The following CAMKMT variants were observed in gnomAD, a reference collection of about 807,000 sequenced individuals.
CAMKMT encodes the protein CaM KMT.
In CAMKMT, 53 loss-of-function variants were observed where a neutral mutation model predicts 48.0. The observed-to-expected ratio is 1.10, with a 90% confidence interval of 0.89 to 1.39. The LOEUF is 1.39. Among genes scored for constraint, CAMKMT ranks in the 40% most tolerant of loss-of-function variants. CAMKMT has a pLI of 0.00. For synonymous variants in CAMKMT, 165 were observed against 152.3 expected (o/e 1.08, Z -0.61); for missense variants, 428 against 402.7 (o/e 1.06, Z -0.54).
intron 3 of CAMKMT, among the ~76,000 whole-genome samples, chr2:44,428,359 C>T (rs1415049345): frequency 6.6e-6 from 1 of 152,210 alleles, no homozygotes; most frequent in South Asian, 2.1e-4. Context: ...CTCTTCTCGA[C>T]GTTCAGACAC....
chr2:44,452,421 A>C (rs1012499838), intron 3 of CAMKMT, among the ~76,000 whole-genome samples: 1 of 152,042 alleles, frequency 6.6e-6, no homozygotes, highest in Non-Finnish European at 1.5e-5. Flanking sequence ...TCTTCATTCA[A>C]CTGTTTGCCA....
At chr2:44,756,004 C>G (rs908252990) in intron 9 of CAMKMT, among the ~76,000 whole-genome samples, 1 of 152,188 alleles carries the variant, frequency 6.6e-6, no homozygotes, top group Middle Eastern at 3.2e-3. Flanking sequence ...GTATTCTAGC[C>G]TAAAGTGTAA....
chr2:44,550,220 G>A lies in CAMKMT; in HGVS notation c.377-154063G>A, dbSNP rs991196350. ...TTTGAGACCAACCAGGGCAACATAG[G>A]GAGACCCCGTTTCTACAAATCATTA... On this transcript the variant is annotated intron_variant, in intron 3 of 10. Coordinates refer to ENST00000378494, the MANE Select transcript of CAMKMT (RefSeq NM_024766.5). Among the ~76,000 whole-genome samples, 76 of 151,764 alleles carry A rather than the reference G, an allele frequency of 5.0e-4. 1 individual carries two copies. The highest frequency in any genetic ancestry group is 1.8e-3 in the African/African-American group (75 of 41,398).
At chr2:44,533,861 A>G (rs1272204498) in intron 3 of CAMKMT, among the ~76,000 whole-genome samples, 1 of 152,232 alleles carries the variant, frequency 6.6e-6, no homozygotes, top group Non-Finnish European at 1.5e-5. Context: ...CACAATTAAC[A>G]GTATAACAGG....
chr2:44,499,107 A>T (rs920920167), intron 3 of CAMKMT, among the ~76,000 whole-genome samples: 5 of 152,206 alleles, frequency 3.3e-5, no homozygotes, highest in African/African-American at 4.8e-5. Flanking sequence ...ATCTTTTTTT[A>T]AAAAATGAAT....
At chr2:44,372,648 A>T in intron 1 of CAMKMT, 68 bp from the exon 2 acceptor site, 1 of 1,442,914 alleles carries the variant, frequency 6.9e-7, no homozygotes, top group South Asian at 1.4e-5. Flanking sequence ...TAAATTTTGA[A>T]CATTTTGAAC....
chr2:44,677,689 C>T (rs114761921), intron 3 of CAMKMT, among the ~76,000 whole-genome samples: 2,375 of 148,608 alleles, frequency 0.016, 28 homozygotes, highest in African/African-American at 0.035. Flanking sequence ...GACTGGGCAA[C>T]AGAATTGAGA....
intron 3 of CAMKMT, among the ~76,000 whole-genome samples, chr2:44,575,468 T>C (rs1572836593): frequency 6.6e-6 from 1 of 152,256 alleles, no homozygotes; most frequent in East Asian, 1.9e-4. Context: ...GTTATTCTTA[T>C]AAATATTCCT....
At chr2:44,517,739 C>T (rs576051804) in intron 3 of CAMKMT, among the ~76,000 whole-genome samples, 2 of 152,144 alleles carry the variant, frequency 1.3e-5, no homozygotes, top group African/African-American at 4.8e-5. Context: ...TCTCAAGGCC[C>T]TGATGCTACT....
chr2:44,612,525 C>T (rs1438173771), intron 3 of CAMKMT, among the ~76,000 whole-genome samples: 1 of 152,174 alleles, frequency 6.6e-6, no homozygotes, highest in East Asian at 1.9e-4. Context: ...AATAATATTA[C>T]AGTTATGGAT....
intron 3 of CAMKMT, among the ~76,000 whole-genome samples, chr2:44,551,823 C>T (rs1667731333): frequency 6.6e-6 from 1 of 152,136 alleles, no homozygotes; most frequent in Admixed American, 6.5e-5. Flanking sequence ...CTGAGAATCA[C>T]ATAATTATTA....
chr2:44,753,249 CAAAAAAAAAAAA>C (rs772390371), intron 8 of CAMKMT, among the ~76,000 whole-genome samples: 5 of 65,456 alleles, frequency 7.6e-5, no homozygotes, highest in African/African-American at 2.7e-4. Context: ...CCTGTCCCTA[CAAAAAAAAAAAA>C]AAAAAAAAAA....
chr2:44,468,735 AAAGCAAGAC>A (rs1668259548), intron 3 of CAMKMT, among the ~76,000 whole-genome samples: 1 of 152,182 alleles, frequency 6.6e-6, no homozygotes, highest in Admixed American at 6.5e-5. Flanking sequence ...CCTGAGCAAC[AAAGCAAGAC>A]CCAGTCTCTA....
intron 3 of CAMKMT, among the ~76,000 whole-genome samples, chr2:44,676,295 A>G (rs1457022906): frequency 1.3e-5 from 2 of 152,134 alleles, no homozygotes; most frequent in Non-Finnish European, 2.9e-5. Context: ...TCTTAAATGT[A>G]TATCCCAAAT....
chr2:44,571,710 A>G lies in CAMKMT; in HGVS notation c.377-132573A>G, dbSNP rs184083468. 1.6e-3 allele frequency among the ~76,000 whole-genome samples: 238 copies of G among 152,286 alleles called. 2 individuals carry two copies. Among genetic ancestry groups the G allele is most frequent in the African/African-American group, 5.7e-3 (235 of 41,560 alleles). ...AAAAACAAGCCGGGTGAGGTGGCCT[A>G]TGTTTGTAGTCCCGGGTGCCCTGGA... On this transcript the variant is annotated intron_variant, in intron 3 of 10. Coordinates refer to ENST00000378494, the MANE Select transcript of CAMKMT (RefSeq NM_024766.5).
At chr2:44,516,309 A>T (rs1425120337) in intron 3 of CAMKMT, among the ~76,000 whole-genome samples, 1 of 152,190 alleles carries the variant, frequency 6.6e-6, no homozygotes, top group Non-Finnish European at 1.5e-5. Context: ...GAAGCCATGC[A>T]GTTAAATTAT....
At chr2:44,392,703 C>G (rs1238338148) in intron 3 of CAMKMT, among the ~76,000 whole-genome samples, 1 of 151,464 alleles carries the variant, frequency 6.6e-6, no homozygotes, top group Non-Finnish European at 1.5e-5. Context: ...TTCAGTAATT[C>G]AAAAATACAA....
chr2:44,698,229 C>T (rs1159026986), intron 3 of CAMKMT, among the ~76,000 whole-genome samples: 1 of 152,190 alleles, frequency 6.6e-6, no homozygotes, highest in Non-Finnish European at 1.5e-5. Context: ...AAACCTTATA[C>T]TCATTGGCAG....
At chr2:44,700,063 C>T (rs987708142) in intron 3 of CAMKMT, among the ~76,000 whole-genome samples, 4 of 152,228 alleles carry the variant, frequency 2.6e-5, no homozygotes, top group African/African-American at 9.6e-5. Flanking sequence ...TACATCAGCA[C>T]TTACTGCTTT....
Sources: gnomAD v4.1 joint callset for allele counts (sites outside exome capture counted in the v4.1 genomes callset) on GRCh38, gnomAD v4.1.1 for gene constraint, MANE v1.5 for transcripts, NCBI Gene and HGNC (gene_info 2026-07-23, HGNC 2026-07-21) for gene names.